Variants in IRAG2 observed in about 807,000 individuals in gnomAD.
The protein encoded by IRAG2 is inositol 1,4,5-triphosphate receptor associated 2.
IRAG2 carries 45 observed loss-of-function variants against 69.9 expected under a neutral mutation model. The observed-to-expected ratio is 0.64, with a 90% CI of 0.51 to 0.83. The LOEUF is 0.83. IRAG2 is among the 40% of genes least tolerant of loss of function. IRAG2 has a pLI of 0.00. For missense variants in IRAG2, 520 were observed against 587.0 expected, an observed-to-expected ratio of 0.89 and a Z score of 1.18; for synonymous variants, 193 against 202.4, an observed-to-expected ratio of 0.95 and a Z score of 0.40.
chr12:25,041,971 GTGTGTGTGTGTGTGTGTGTGTA>G (rs1450397622), intron 16 of IRAG2, among the ~76,000 whole-genome samples: 7 of 85,166 alleles, frequency 8.2e-5, no homozygotes, highest in Non-Finnish European at 1.8e-4. Flanking sequence ...GTGTGTGTGT[GTGTGTGTGTGTGTGTGTGTGTA>G]TGTGTATGTG....
chr12:25,015,258 A>T (rs1944517541), exon 4 of IRAG2: 1 of 1,230,826 alleles, frequency 8.1e-7, no homozygotes, highest in South Asian at 4.1e-5. Context: ...ATCAGATGGA[A>T]CAAGTATGTA....
chr12:25,021,330 T>G (rs1591927556), intron 7 of IRAG2, among the ~76,000 whole-genome samples: 1 of 152,228 alleles, frequency 6.6e-6, no homozygotes, highest in South Asian at 2.1e-4. Context: ...CAATAGTTTC[T>G]GAAAACCCAG....
At chr12:25,017,355 C>T in intron 6 of IRAG2, 1 of 1,181,906 alleles carries the variant, frequency 8.5e-7, no homozygotes, top group African/African-American at 1.6e-5. Context: ...TTTTAAAAAA[C>T]CTTTTAAATA....
intron 5 of IRAG2, among the ~76,000 whole-genome samples, chr12:25,068,603 TC>T (rs1444401752): frequency 6.6e-6 from 1 of 152,006 alleles, no homozygotes; most frequent in Non-Finnish European, 1.5e-5. Flanking sequence ...CAGCCCCTCA[TC>T]CTGAGGCTAT....
intron 6 of IRAG2, among the ~76,000 whole-genome samples, chr12:25,072,103 G>A (rs1279993331): frequency 2.0e-5 from 3 of 152,242 alleles, no homozygotes; most frequent in East Asian, 1.9e-4. Context: ...TCCTTGGGAG[G>A]CTGAGGCAGG....
intron 15 of IRAG2, among the ~76,000 whole-genome samples, 196 bp downstream of exon 15, chr12:25,097,240 C>CAT (rs1948474388): frequency 2.3e-5 from 3 of 131,278 alleles, no homozygotes; most frequent in African/African-American, 9.9e-5. Context: ...AAATATAATA[C>CAT]GATCCAGTGA....
intron 16 of IRAG2, among the ~76,000 whole-genome samples, chr12:25,039,537 T>C (rs1026557503): frequency 6.6e-6 from 1 of 152,152 alleles, no homozygotes; most frequent in African/African-American, 2.4e-5. Flanking sequence ...TTCAGGCCAT[T>C]CTCCTGCCTC....
At chr12:25,101,806 A>G (rs1034147599) in intron 16 of IRAG2, 1 of 408,522 alleles carries the variant, frequency 2.4e-6, no homozygotes. Context: ...AAATCTTACA[A>G]TAGTTTTATT....
intron 14 of IRAG2, chr12:25,090,682 A>T: frequency 3.1e-6 from 1 of 318,120 alleles, no homozygotes; most frequent in Non-Finnish European, 6.2e-6. Flanking sequence ...TGTGAATCAT[A>T]GAAAGTAAGA....
intron 6 of IRAG2, among the ~76,000 whole-genome samples, chr12:25,071,057 A>T (rs11047809): frequency 0.11 from 16,116 of 152,168 alleles, 1,157 homozygotes; most frequent in Admixed American, 0.17. Flanking sequence ...GTTTTTGTTC[A>T]TAAATACCTG....
intron 10 of IRAG2, among the ~76,000 whole-genome samples, chr12:25,030,734 A>T (rs989028176): frequency 2.0e-5 from 3 of 152,196 alleles, no homozygotes; most frequent in Non-Finnish European, 4.4e-5. Context: ...CCTTTATAGC[A>T]CTTTATAAAA....
intron 13 of IRAG2, chr12:25,035,481 C>T: frequency 2.5e-6 from 1 of 392,912 alleles, no homozygotes; most frequent in Non-Finnish European, 4.5e-6. Context: ...GGAGCCATCC[C>T]AGAGAGAAAA....
intron 10 of IRAG2, among the ~76,000 whole-genome samples, chr12:25,031,350 T>G (rs539104732): frequency 6.6e-6 from 1 of 152,200 alleles, no homozygotes; most frequent in Non-Finnish European, 1.5e-5. Flanking sequence ...TCATCTCCCA[T>G]GTGCCAGCCA....
intron 15 of IRAG2, among the ~76,000 whole-genome samples, chr12:25,098,879 A>T (rs1206110005): frequency 1.3e-5 from 2 of 151,968 alleles, no homozygotes; most frequent in Admixed American, 6.6e-5. Context: ...TGACCTCCAC[A>T]TTACCAAATT....
chr12:25,087,977 T>C (rs899277567), intron 10 of IRAG2, 123 bp from the exon 11 acceptor site: 3 of 666,400 alleles, frequency 4.5e-6, no homozygotes, highest in South Asian at 3.8e-5. Flanking sequence ...ACCAAAAAGG[T>C]TGGGGACTGC....
At chr12:25,075,732 G>C (rs1946651976) in intron 6 of IRAG2, 1 of 152,168 alleles carries the variant, frequency 6.6e-6, no homozygotes. Flanking sequence ...GGCTTGGACA[G>C]AAAGAGCATT....
chr12:25,066,004 G>A (rs1210065761), intron 4 of IRAG2, among the ~76,000 whole-genome samples: 1 of 152,118 alleles, frequency 6.6e-6, no homozygotes, highest in Non-Finnish European at 1.5e-5. Flanking sequence ...CAGCTGGCTG[G>A]ATTTTCACCC....
chr12:25,055,532 T>C (rs1945187183), intron 1 of IRAG2, among the ~76,000 whole-genome samples: 2 of 152,212 alleles, frequency 1.3e-5, no homozygotes, highest in Non-Finnish European at 2.9e-5. Context: ...TATGTATACA[T>C]GTACCATGTT....
intron 14 of IRAG2, among the ~76,000 whole-genome samples, chr12:25,094,902 A>AT (rs901322591): frequency 3.9e-5 from 6 of 152,050 alleles, no homozygotes; most frequent in African/African-American, 1.4e-4. Context: ...AAGACAACTA[A>AT]TTTTTTGTGT....
Sources: allele counts gnomAD v4.1 joint callset (sites outside exome capture counted in the v4.1 genomes callset), GRCh38; gene constraint gnomAD v4.1.1; transcripts MANE v1.5; gene names NCBI Gene and HGNC (gene_info 2026-07-23, HGNC 2026-07-21).